Variants in ABCB4 observed in about 807,000 individuals in gnomAD.
ABCB4 encodes the protein phosphatidylcholine translocator ABCB4.
Under a neutral mutation model 145.7 loss-of-function variants are expected in ABCB4, and 76 were observed. The observed-to-expected ratio is 0.52, with a 90% confidence interval of 0.43 to 0.63. The LOEUF (loss-of-function observed/expected upper bound fraction) is 0.63. Among genes scored for constraint, ABCB4 ranks in the 30% least tolerant of loss-of-function variants. The pLI is 0.00. For synonymous variants in ABCB4, 517 were observed against 566.8 expected (o/e 0.91, Z 1.25); for missense variants, 1,234 against 1,553.1 (o/e 0.79, Z 3.45).
Position 87,439,795 on chromosome 7 carries a change from C to A in ABCB4, c.1603G>T (p.Gly535Cys), listed in dbSNP as rs762036555. The change falls in exon 14 of 28, where the codon GGT becomes TGT. Residue 535 changes from glycine (G) to cysteine (C), a missense_variant. Physicochemically the swap from Gly to Cys is radical, Grantham distance 159. Transcript: ENST00000649586. ...LVGERGAQLS[G>C]GQKQRIAIAR... ...ATGGCGATCCTCTGCTTCTGCCCAC[C>A]ACTCAGCTGGGCCCCTCTCTCTCCA... The A allele has an allele frequency of 1.2e-6, 2 of 1,614,072 alleles. No homozygotes were observed. Among genetic ancestry groups the A allele is most frequent in the Non-Finnish European group, 8.5e-7 (1 of 1,180,028 alleles).
At chr7:87,408,980 A>T (rs953972278) in intron 24 of ABCB4, among the ~76,000 whole-genome samples, 3 of 152,134 alleles carry the variant, frequency 2.0e-5, no homozygotes, top group Non-Finnish European at 4.4e-5. Flanking sequence ...ATTTTTGTGG[A>T]AACTATTCAG....
At chr7:87,416,414 G>A (rs906841695) in intron 21 of ABCB4, among the ~76,000 whole-genome samples, 1 of 152,106 alleles carries the variant, frequency 6.6e-6, no homozygotes, top group Non-Finnish European at 1.5e-5. Context: ...TTGTAAAAGG[G>A]CTTTGTAAAG....
intron 4 of ABCB4, among the ~76,000 whole-genome samples, chr7:87,455,191 T>C (rs1812031435): frequency 1.3e-5 from 2 of 152,204 alleles, no homozygotes; most frequent in Admixed American, 6.5e-5. Context: ...CACTGGCAAT[T>C]AGTGAACATC....
At chr7:87,448,689 T>A (rs1385011837) in intron 8 of ABCB4, 4 of 152,290 alleles carry the variant, frequency 2.6e-5, no homozygotes, top group Admixed American at 1.3e-4. Flanking sequence ...AACTGAGGGT[T>A]AGTGTGGTCT....
intron 21 of ABCB4, among the ~76,000 whole-genome samples, chr7:87,416,183 G>A (rs745336305): frequency 3.9e-5 from 6 of 152,194 alleles, no homozygotes; most frequent in Admixed American, 6.5e-5. Flanking sequence ...TATACCTAAC[G>A]CTGCATGCAG....
downstream of ABCB4, chr7:87,398,460 T>TTGTA (rs1179762194): frequency 6.3e-7 from 1 of 1,584,410 alleles, no homozygotes; most frequent in African/African-American, 1.3e-5. Flanking sequence ...AAAGTCCTGG[T>TTGTA]TGTATTCACC....
chr7:87,419,490 T>C (rs1285821717), intron 19 of ABCB4, among the ~76,000 whole-genome samples: 7 of 152,240 alleles, frequency 4.6e-5, no homozygotes, highest in African/African-American at 1.7e-4. Flanking sequence ...TGATAAGTAA[T>C]GTTTGAATAA....
chr7:87,377,336 A>C, the ABCB4 span: 1 of 1,540,668 alleles, frequency 6.5e-7, no homozygotes. Flanking sequence ...TGGAAAAATT[A>C]AATTTATTTT....
chr7:87,438,458 A>C (rs768246408), intron 14 of ABCB4, among the ~76,000 whole-genome samples: 4 of 152,150 alleles, frequency 2.6e-5, no homozygotes, highest in Non-Finnish European at 4.4e-5. Context: ...AAAATAAGTC[A>C]AGATATTGGT....
chr7:87,443,364 T>C lies in ABCB4; in HGVS notation c.1311A>G (p.Thr437=), dbSNP rs751347084. 1 of 1,614,138 alleles carries C rather than the reference T, an allele frequency of 6.2e-7. No homozygotes were observed. Among genetic ancestry groups the C allele is most frequent in the South Asian group, 1.1e-5 (1 of 91,080 alleles). ...LVGSSGCGKS[T]TVQLIQRLYD... ...AGAGCCTCTGTATCAGCTGGACCGT[T>C]GTGCTCTTCCCACAGCCACTACTTC... Residue 437 remains threonine (T), a synonymous_variant, in exon 12 of 28, where the codon ACA becomes ACG. Coordinates refer to ENST00000649586, the MANE Select transcript of ABCB4 (RefSeq NM_000443.4).
At chr7:87,390,930 A>AT in the ABCB4 span, among the ~76,000 whole-genome samples, 1 of 152,172 alleles carries the variant, frequency 6.6e-6, no homozygotes, top group Non-Finnish European at 1.5e-5. Flanking sequence ...TTTGTGGGTC[A>AT]TTTTTTGTGA....
chr7:87,470,371 G>C (rs1813276943), intron 3 of ABCB4, among the ~76,000 whole-genome samples: 1 of 152,162 alleles, frequency 6.6e-6, no homozygotes, highest in African/African-American at 2.4e-5. Flanking sequence ...TGACAAAAAT[G>C]GGATCTAATT....
At position 87,409,333 on chromosome 7, in the gene ABCB4, G is replaced by A. The variant is rs761283092; in HGVS notation, c.2984C>T (p.Pro995Leu). ...VALGHASSFAPDYAKAKLSAA... is the reference protein window; with the variant it reads ...VALGHASSFALDYAKAKLSAA... Reference sequence around the variant, plus strand: ...AGACAGCTTAGCTTTAGCATAGTCTGGAGCAAATGAACTGGCATGTCCTAG... The same window carrying A: ...AGACAGCTTAGCTTTAGCATAGTCTAGAGCAAATGAACTGGCATGTCCTAG... Residue 995 changes from proline (P) to leucine (L), a missense_variant, in exon 24 of 28, where the codon CCA (proline) becomes CTA (leucine). By Grantham distance (98) the Pro-to-Leu change is moderately conservative. Coordinates refer to ENST00000649586, the MANE Select transcript of ABCB4 (RefSeq NM_000443.4). 3.1e-6 allele frequency: 5 copies of A among 1,613,950 alleles called. No homozygotes were observed.
the ABCB4 span, chr7:87,391,514 A>G: frequency 8.6e-6 from 12 of 1,401,386 alleles, no homozygotes; most frequent in East Asian, 3.0e-4. Flanking sequence ...AGCTAGCTTT[A>G]TTAGGCAACT....
At position 87,472,664 on chromosome 7, in the gene ABCB4, CTTTT is replaced by C. The variant is rs1430830807; in HGVS notation, c.88_91del (p.Lys30GlyfsTer7). ...CATTTTCACTGTCTTCGTTTTTTTC[CTTTT>C]TTGTTTGCTGTAAAAAATAGAATTG... On this transcript the variant is annotated frameshift_variant, in exon 3 of 28. Coordinates refer to ENST00000649586, the MANE Select transcript of ABCB4 (RefSeq NM_000443.4). LOFTEE classifies it high-confidence loss of function. The C allele has an allele frequency of 1.9e-6, 3 of 1,606,212 alleles. No homozygotes were observed. Among genetic ancestry groups the C allele is most frequent in the African/African-American group, 2.7e-5 (2 of 74,656 alleles).
At chr7:87,460,811 T>C (rs955550643) in intron 4 of ABCB4, among the ~76,000 whole-genome samples, 12 of 151,990 alleles carry the variant, frequency 7.9e-5, no homozygotes, top group South Asian at 2.1e-4. Context: ...TATAGGTGTG[T>C]AGTATTCCAT....
the ABCB4 span, among the ~76,000 whole-genome samples, chr7:87,380,616 A>G: frequency 2.6e-5 from 4 of 152,190 alleles, no homozygotes; most frequent in Admixed American, 2.6e-4. Flanking sequence ...GAAAGGTAAA[A>G]ATTATGTGAA....
chr7:87,449,776 T>TG (rs1811585466), intron 8 of ABCB4, among the ~76,000 whole-genome samples, 192 bp downstream of exon 8: 1 of 152,116 alleles, frequency 6.6e-6, no homozygotes, highest in South Asian at 2.1e-4. Context: ...AAAGAGTCCA[T>TG]GGAACATAAA....
intron 16 of ABCB4, among the ~76,000 whole-genome samples, chr7:87,424,597 A>G (rs1219886526): frequency 2.0e-5 from 3 of 152,176 alleles, no homozygotes; most frequent in African/African-American, 4.8e-5. Flanking sequence ...CCTTTTCTGT[A>G]CCATATTTCC....
Sources: allele counts gnomAD v4.1 joint callset (sites outside exome capture counted in the v4.1 genomes callset), GRCh38; gene constraint gnomAD v4.1.1; transcripts MANE v1.5; gene names NCBI Gene and HGNC (gene_info 2026-07-23, HGNC 2026-07-21).